ITGB5: variants seen among roughly 807,000 people sequenced by gnomAD.
The protein encoded by ITGB5 is integrin beta-5.
In ITGB5, 38 loss-of-function variants were observed where a neutral mutation model predicts 84.8. The ratio of observed to expected loss-of-function variants is 0.45; its 90% CI spans 0.35 to 0.59. ITGB5 has a LOEUF of 0.59. Ranked by LOEUF, ITGB5 falls within the 20% of genes least tolerant of loss-of-function variation. ITGB5 has a pLI of 0.01. For synonymous variants in ITGB5, 393 were observed against 414.4 expected, an observed-to-expected ratio of 0.95 and a Z score of 0.63; for missense variants, 905 against 1,034.5, an observed-to-expected ratio of 0.87 and a Z score of 1.72.
intron 9 of ITGB5, among the ~76,000 whole-genome samples, chr3:124,808,599 CT>C (rs1206858464): frequency 6.6e-6 from 1 of 152,202 alleles, no homozygotes; most frequent in African/African-American, 2.4e-5. Context: ...GGGGGAGTGG[CT>C]TTCTTTACAT....
At chr3:124,827,983 C>T (rs796094680) in intron 5 of ITGB5, among the ~76,000 whole-genome samples, 1 of 151,846 alleles carries the variant, frequency 6.6e-6, no homozygotes, top group South Asian at 2.1e-4. Flanking sequence ...CAGCACCCCC[C>T]CAACGCCCCC....
rs748784158 is a variant in ITGB5 at position 124,894,134 on chromosome 3, C to CTTTTTTTTTTTTTTTTT, written c.-255+7115_-255+7131dup. Among the ~76,000 whole-genome samples, 38 of 104,350 alleles carry CTTTTTTTTTTTTTTTTT rather than the reference C, an allele frequency of 3.6e-4. 6 individuals are homozygous for CTTTTTTTTTTTTTTTTT. Among genetic ancestry groups the CTTTTTTTTTTTTTTTTT allele is most frequent in the Non-Finnish European group, 3.8e-4 (21 of 55,038 alleles). 68.5% of individuals were successfully genotyped at this position (104,350 alleles called of 152,430 possible). On this transcript the variant is annotated intron_variant, in intron 1 of 4. Transcript: ENST00000608657. ...TTATAGTAAAAGTTGTGATATTTTT[C>CTTTTTTTTTTTTTTTTT]TTTTTTTTTTTTTTTTTTGAGACAG...
intron 1 of ITGB5, among the ~76,000 whole-genome samples, chr3:124,900,605 G>T (rs1397913719): frequency 6.6e-6 from 1 of 152,094 alleles, no homozygotes; most frequent in Admixed American, 6.6e-5. Context: ...AGACTGAGAA[G>T]AACACCCCCA....
At chr3:124,842,620 CTGTGCAGGG>C in intron 4 of ITGB5, among the ~76,000 whole-genome samples, 1 of 152,270 alleles carries the variant, frequency 6.6e-6, no homozygotes, top group South Asian at 2.1e-4. Context: ...CTGGGCCAGA[CTGTGCAGGG>C]TCTCCAGCCA....
chr3:124,873,139 T>C (rs1483083592), intron 2 of ITGB5, among the ~76,000 whole-genome samples: 3 of 152,226 alleles, frequency 2.0e-5, no homozygotes, highest in Admixed American at 6.5e-5. Context: ...TCAGGTCTTT[T>C]GGAGTTCTTA....
chr3:124,819,123 C>T (rs879451842), intron 7 of ITGB5, among the ~76,000 whole-genome samples: 7 of 152,036 alleles, frequency 4.6e-5, no homozygotes, highest in African/African-American at 7.3e-5. Context: ...TTTCTTTAGA[C>T]GGAACAGATC....
Position 124,848,513 on chromosome 3 carries a change from T to C in ITGB5, c.407A>G (p.Tyr136Cys). 5 of 1,614,106 alleles carry C rather than the reference T, an allele frequency of 3.1e-6. No individual in the cohort carries two copies. Among genetic ancestry groups the C allele is most frequent in the Non-Finnish European group, 3.4e-6 (4 of 1,180,024 alleles). Residue 136 changes from tyrosine (Y) to cysteine (C), a missense_variant, in exon 4 of 15, where the codon TAT becomes TGT. Tyr to Cys is a radical substitution (Grantham distance 194). Coordinates refer to ENST00000296181, the MANE Select transcript of ITGB5 (RefSeq NM_002213.5). ...CATCAGGTAGTACAGGTCCACAGGA[T>C]AGTCCTCCACCTGGCGAACCTGTAG... ...FQLQVRQVED[Y>C]PVDLYYLMDL...
intron 3 of ITGB5, among the ~76,000 whole-genome samples, chr3:124,853,700 A>C (rs1225354194): frequency 6.6e-6 from 1 of 152,226 alleles, no homozygotes; most frequent in East Asian, 1.9e-4. Flanking sequence ...CAGGAAACCC[A>C]AAAGCAACCA....
At chr3:124,834,465 G>C (rs946931148) in intron 5 of ITGB5, among the ~76,000 whole-genome samples, 1 of 133,622 alleles carries the variant, frequency 7.5e-6, no homozygotes, top group Non-Finnish European at 1.6e-5. Context: ...GAAGGAAAGA[G>C]AGAGAGAAAG....
chr3:124,830,790 C>T (rs549840252), intron 5 of ITGB5, among the ~76,000 whole-genome samples: 1 of 152,282 alleles, frequency 6.6e-6, no homozygotes, highest in African/African-American at 2.4e-5. Context: ...TTGAGACCGG[C>T]CTGGCCAACA....
At chr3:124,785,045 C>T (rs748754127) in intron 10 of ITGB5, among the ~76,000 whole-genome samples, 2 of 152,124 alleles carry the variant, frequency 1.3e-5, no homozygotes, top group African/African-American at 2.4e-5. Context: ...AGCCATGAGG[C>T]GGCAGGGAAG....
At chr3:124,848,196 C>T (rs1438428580) in intron 4 of ITGB5, 113 bp downstream of exon 4, 2 of 1,257,824 alleles carry the variant, frequency 1.6e-6, no homozygotes, top group African/African-American at 1.5e-5. Flanking sequence ...AACGCCTAAG[C>T]CTGGCCACCC....
At chr3:124,833,309 T>G (rs1263159655) in intron 5 of ITGB5, among the ~76,000 whole-genome samples, 4 of 152,210 alleles carry the variant, frequency 2.6e-5, no homozygotes, top group Non-Finnish European at 4.4e-5. Context: ...TTGAACCATA[T>G]GAATTTTCCA....
chr3:124,795,745 G>A (rs950304990), intron 10 of ITGB5, among the ~76,000 whole-genome samples: 1 of 152,156 alleles, frequency 6.6e-6, no homozygotes, highest in African/African-American at 2.4e-5. Flanking sequence ...ATCTGAGGAT[G>A]TTACTCTGCT....
Position 124,811,529 on chromosome 3 carries a change from G to C in ITGB5, c.1129-2373C>G, listed in dbSNP as rs1269266247. On this transcript the variant is annotated intron_variant, in intron 8 of 14. Transcript: ENST00000296181. ...TCGTTCACAAATAAAACTTTGGAAGGAAACACCAGTGCTCCCCAGCAAGAT... is the reference window on the plus strand; with the variant it reads ...TCGTTCACAAATAAAACTTTGGAAGCAAACACCAGTGCTCCCCAGCAAGAT... Among the ~76,000 whole-genome samples the C allele has an allele frequency of 2.6e-5, 4 of 152,084 alleles. No homozygotes were observed. The Middle Eastern group carries it at 9.5e-3, about 361-fold the overall frequency.
chr3:124,898,643 C>CAAAAAAAAAAAAAAAAAAAAAAAAAAA (rs68025034), intron 1 of ITGB5, among the ~76,000 whole-genome samples: 1 of 29,274 alleles, frequency 3.4e-5, no homozygotes, highest in Non-Finnish European at 6.3e-5. Flanking sequence ...GACTCCGTCT[C>CAAAAAAAAAAAAAAAAAAAAAAAAAAA]AAAAAAAAAA....
intron 10 of ITGB5, chr3:124,791,163 G>A (rs1377266390): frequency 2.0e-5 from 3 of 152,190 alleles, no homozygotes; most frequent in Admixed American, 6.5e-5. Flanking sequence ...AACAGAACAT[G>A]TCCTGCTTCT....
At chr3:124,873,404 C>A in intron 2 of ITGB5, 42 bp downstream of exon 2, 1 of 1,364,000 alleles carries the variant, frequency 7.3e-7, no homozygotes, top group Non-Finnish European at 1.1e-6. Flanking sequence ...CTCACCCTCG[C>A]AGCATTCCTT....
At chr3:124,775,551 G>A (rs1012722606) in intron 10 of ITGB5, among the ~76,000 whole-genome samples, 1 of 152,078 alleles carries the variant, frequency 6.6e-6, no homozygotes, top group East Asian at 1.9e-4. Context: ...GCTACAATTG[G>A]TATTTTTTAA....
Sources: allele counts gnomAD v4.1 joint callset (sites outside exome capture counted in the v4.1 genomes callset), GRCh38; gene constraint gnomAD v4.1.1; transcripts MANE v1.5; gene names NCBI Gene and HGNC (gene_info 2026-07-23, HGNC 2026-07-21).